Variants in MCPH1 observed in about 807,000 individuals in gnomAD.
MCPH1 encodes microcephalin 1, also known as microcephalin.
MCPH1 carries 104 observed loss-of-function variants against 84.5 expected under a neutral mutation model. The ratio of observed to expected loss-of-function variants is 1.23; its 90% CI spans 1.05 to 1.45. The LOEUF (loss-of-function observed/expected upper bound fraction) is 1.45. MCPH1 is among the 40% of genes most tolerant of loss of function. The pLI, the probability that MCPH1 is intolerant of heterozygous loss-of-function variation, is 0.00. For synonymous variants in MCPH1, 514 were observed against 366.8 expected, an observed-to-expected ratio of 1.40 and a Z score of -4.58; for missense variants, 1,498 against 1,005.7, an observed-to-expected ratio of 1.49 and a Z score of -6.62.
intron 12 of MCPH1, among the ~76,000 whole-genome samples, chr8:6,557,303 A>G (rs182646438): frequency 1.3e-5 from 2 of 152,274 alleles, no homozygotes; most frequent in East Asian, 3.9e-4. Context: ...AAAAAAATAT[A>G]CAGGCTTGCA....
chr8:6,601,836 C>A (rs993700406), intron 12 of MCPH1, among the ~76,000 whole-genome samples: 3 of 151,792 alleles, frequency 2.0e-5, no homozygotes, highest in African/African-American at 4.9e-5. Flanking sequence ...AAAGGAGAAG[C>A]TTTTCTGGAA....
chr8:6,544,625 C>G (rs1822211617), intron 12 of MCPH1, among the ~76,000 whole-genome samples: 1 of 152,134 alleles, frequency 6.6e-6, no homozygotes. Context: ...ACATGCACAA[C>G]TTGGCCATGA....
chr8:6,500,338 A>G (rs1192582699), intron 12 of MCPH1: 1 of 161,882 alleles, frequency 6.2e-6, no homozygotes, highest in East Asian at 1.7e-4. Flanking sequence ...GCTTTCCTAA[A>G]TTCCACTTCA....
chr8:6,486,881 C>T (rs1809992677), intron 11 of MCPH1, among the ~76,000 whole-genome samples: 1 of 152,200 alleles, frequency 6.6e-6, no homozygotes, highest in African/African-American at 2.4e-5. Context: ...CCTTTAAATA[C>T]TCTTTATCCC....
intron 1 of MCPH1, 159 bp downstream of exon 1, chr8:6,406,848 GCCTGTC>G: frequency 2.8e-5 from 1 of 35,968 alleles, no homozygotes; most frequent in South Asian, 2.3e-4. Context: ...CTCCCCCGCT[GCCTGTC>G]CCACCAAAAC....
At position 6,521,229 on chromosome 8, in the gene MCPH1, C is replaced by T. The variant is rs193132727; in HGVS notation, c.2214+21300C>T. The T allele has an allele frequency of 1.9e-6, 3 of 1,613,754 alleles. No individual in the cohort carries two copies. The South Asian group carries it at 3.3e-5, about 18-fold the overall frequency. On this transcript the variant is annotated intron_variant, in intron 12 of 13. Transcript: ENST00000344683. ...AAGTTATTAACTGTCTCCATGAGAT[C>T]ATGTTGCTGCTTCTGAAGAACTGAA...
At chr8:6,609,826 C>A (rs868314584) in intron 12 of MCPH1, among the ~76,000 whole-genome samples, 3 of 127,892 alleles carry the variant, frequency 2.3e-5, no homozygotes, top group East Asian at 2.0e-4. Context: ...CCCGCCCCCC[C>A]CCCACACACA....
chr8:6,563,759 C>G (rs1435558105), intron 12 of MCPH1, among the ~76,000 whole-genome samples: 1 of 152,124 alleles, frequency 6.6e-6, no homozygotes, highest in Non-Finnish European at 1.5e-5. Context: ...TCTTGAACCA[C>G]TAGCCAAGTT....
At chr8:6,529,716 C>T (rs35735391) in intron 12 of MCPH1, among the ~76,000 whole-genome samples, 42,672 of 149,614 alleles carry the variant, frequency 0.29, 6,275 homozygotes, top group Middle Eastern at 0.4. Context: ...CCACCCACCT[C>T]GGCCTCTCAA....
chr8:6,523,754 AT>A (rs1293419392), intron 12 of MCPH1, among the ~76,000 whole-genome samples: 19 of 152,096 alleles, frequency 1.2e-4, no homozygotes, highest in African/African-American at 3.9e-4. Context: ...CGCCCAGCTA[AT>A]TTTTTGTATT....
At chr8:6,508,862 A>AT (rs746983154) in intron 12 of MCPH1, 1 of 1,605,008 alleles carries the variant, frequency 6.2e-7, no homozygotes, top group South Asian at 1.1e-5. Context: ...TGTAGTCCAA[A>AT]TTGCCAGCCT....
intron 11 of MCPH1, among the ~76,000 whole-genome samples, chr8:6,492,270 GTCT>G (rs1240889592): frequency 1.3e-5 from 2 of 152,214 alleles, no homozygotes; most frequent in African/African-American, 2.4e-5. Context: ...CTGCATAAAT[GTCT>G]TCTTTTGAGA....
intron 3 of MCPH1, among the ~76,000 whole-genome samples, chr8:6,418,529 T>A (rs976818094): frequency 6.6e-6 from 1 of 152,222 alleles, no homozygotes; most frequent in Non-Finnish European, 1.5e-5. Context: ...AGTCTAATTC[T>A]TCTTCCCTTC....
chr8:6,543,034 G>C (rs1821894534), intron 12 of MCPH1, among the ~76,000 whole-genome samples: 1 of 152,168 alleles, frequency 6.6e-6, no homozygotes, highest in Admixed American at 6.5e-5. Flanking sequence ...GGGAATGCTT[G>C]AGAAATCTCA....
At chr8:6,485,826 T>A (rs1415571036) in intron 11 of MCPH1, among the ~76,000 whole-genome samples, 1 of 152,162 alleles carries the variant, frequency 6.6e-6, no homozygotes, top group Non-Finnish European at 1.5e-5. Flanking sequence ...AATATATGTT[T>A]GTGTGATTAC....
intron 13 of MCPH1, chr8:6,625,740 C>T: frequency 1.0e-6 from 1 of 976,492 alleles, no homozygotes; most frequent in South Asian, 4.7e-5. Context: ...GCAACGATCC[C>T]ACCACTGTAC....
At position 6,445,366 on chromosome 8, in the gene MCPH1, C is replaced by G. The variant is rs553888676; in HGVS notation, c.1644C>G (p.Ser548Arg). The stretch of plus-strand genomic sequence containing the variant: ...ATGATTTAACTCCTTTGGAAGGAAG[C>G]CTTGAAGAAATGAAAGAAGCGGTTG... Reference protein sequence around the residue: ...HDDDLTPLEGSLEEMKEAVGL... With the variant: ...HDDDLTPLEGRLEEMKEAVGL... Residue 548 changes from serine (S) to arginine (R), a missense_variant, in exon 8 of 14, where the codon AGC becomes AGG. Coordinates refer to ENST00000344683, the MANE Select transcript of MCPH1 (RefSeq NM_024596.5). 2 of 1,614,200 alleles carry G rather than the reference C, an allele frequency of 1.2e-6. No individual in the cohort carries two copies. Among genetic ancestry groups the G allele is most frequent in the Non-Finnish European group, 1.7e-6 (2 of 1,180,042 alleles).
intron 12 of MCPH1, among the ~76,000 whole-genome samples, chr8:6,566,065 T>G (rs986204498): frequency 6.6e-6 from 1 of 151,924 alleles, no homozygotes; most frequent in Non-Finnish European, 1.5e-5. Flanking sequence ...GGTAATGCGG[T>G]GCAAAGCAGC....
rs17077213 is a variant in MCPH1 at position 6,510,424 on chromosome 8, G to T, written c.2214+10495G>T. Among the ~76,000 whole-genome samples the T allele has an allele frequency of 8.7e-3, 1,321 of 152,278 alleles. 89 individuals are homozygous for T. Among genetic ancestry groups the T allele is most frequent in the Admixed American group, 0.08 (1,216 of 15,294 alleles). On this transcript the variant is annotated intron_variant, in intron 12 of 13. Coordinates refer to ENST00000344683, the MANE Select transcript of MCPH1 (RefSeq NM_024596.5). ...TTCTTTGTAAAACCTGCTAATGTTT[G>T]CAAGCTGCCACATTGGAATAATATA...
Sources: gnomAD v4.1 joint callset for allele counts (sites outside exome capture counted in the v4.1 genomes callset) on GRCh38, gnomAD v4.1.1 for gene constraint, MANE v1.5 for transcripts, NCBI Gene and HGNC (gene_info 2026-07-23, HGNC 2026-07-21) for gene names.